The following DCDC2C variants were observed in gnomAD, a reference collection of about 807,000 sequenced individuals.
DCDC2C encodes the protein doublecortin domain-containing protein 2C.
A neutral mutation model predicts 45.0 loss-of-function variants in DCDC2C; 44 were observed. The ratio of observed to expected loss-of-function variants is 0.98; its 90% CI spans 0.77 to 1.26. The LOEUF is 1.26. Among genes scored for constraint, DCDC2C ranks in the 50% most tolerant of loss-of-function variants. The pLI is 0.00. For missense variants in DCDC2C, 447 were observed against 468.9 expected, an observed-to-expected ratio of 0.95 and a Z score of 0.43; for synonymous variants, 187 against 178.8, an observed-to-expected ratio of 1.05 and a Z score of -0.37.
At chr2:3,732,477 C>A (rs1442935814) in intron 3 of DCDC2C, among the ~76,000 whole-genome samples, 2 of 151,982 alleles carry the variant, frequency 1.3e-5, no homozygotes, top group African/African-American at 4.8e-5. Flanking sequence ...AGGTTGAACA[C>A]CTTGTAATTT....
intron 10 of DCDC2C, among the ~76,000 whole-genome samples, chr2:3,845,955 T>C (rs1672317320): frequency 1.3e-5 from 2 of 152,202 alleles, no homozygotes; most frequent in Non-Finnish European, 2.9e-5. Flanking sequence ...TTGTTAGAGC[T>C]GGAAGCAAAT....
intron 3 of DCDC2C, among the ~76,000 whole-genome samples, chr2:3,737,352 G>C (rs887948995): frequency 6.6e-6 from 1 of 152,212 alleles, no homozygotes; most frequent in African/African-American, 2.4e-5. Flanking sequence ...GATGAGGGGA[G>C]GGCGCAGGCG....
chr2:3,785,309 T>C (rs1424028792), intron 10 of DCDC2C, among the ~76,000 whole-genome samples: 1 of 152,156 alleles, frequency 6.6e-6, no homozygotes, highest in African/African-American at 2.4e-5. Context: ...CATGGGTGGA[T>C]GGATCCTCAG....
chr2:3,719,919 C>T (rs1305129433), intron 2 of DCDC2C, among the ~76,000 whole-genome samples: 6 of 152,146 alleles, frequency 3.9e-5, no homozygotes, highest in Admixed American at 1.3e-4. Context: ...GGGACCAGGT[C>T]GGATGCTGCA....
chr2:3,730,147 G>A (rs182724752), intron 3 of DCDC2C, among the ~76,000 whole-genome samples: 106 of 152,250 alleles, frequency 7.0e-4, no homozygotes, highest in Admixed American at 1.4e-3. Context: ...GTGACCATCG[G>A]GATGGATACA....
rs116713914 is a variant in DCDC2C, at chr2:3,783,033, C to T, written c.1024-2026C>T. ...TCCTATCCTTGGAAGTATCTCCGTG[C>T]GGTCTGTAGCCAGCTCTGGAGGGAT... On this transcript the variant is annotated intron_variant, in intron 9 of 10. Transcript: ENST00000399143. Among the ~76,000 whole-genome samples the T allele has an allele frequency of 7.7e-3, 1,176 of 152,284 alleles. 14 individuals carry two copies. Among genetic ancestry groups the T allele is most frequent in the African/African-American group, 0.027 (1,126 of 41,544 alleles).
intron 10 of DCDC2C, among the ~76,000 whole-genome samples, chr2:3,808,647 C>T (rs960427539): frequency 6.6e-6 from 1 of 152,194 alleles, no homozygotes; most frequent in African/African-American, 2.4e-5. Flanking sequence ...GCCTCGGCCT[C>T]CCAAAGGAAA....
In DCDC2C at chr2:3,777,926, G is replaced by A. The variant is rs143284281; in HGVS notation, c.955-890G>A. ...TGCCACCTGCCTTCCCTGATGACAG[G>A]TGAGTGGTTCCAGGAAGGTGCATGA... On this transcript the variant is annotated intron_variant, in intron 8 of 10. Coordinates refer to ENST00000399143, the MANE Select transcript of DCDC2C (RefSeq NM_001287444.2). Among the ~76,000 whole-genome samples, 502 of 152,354 alleles carry A rather than the reference G, an allele frequency of 3.3e-3. 1 individual carries two copies. Among genetic ancestry groups the A allele is most frequent in the African/African-American group, 0.011 (471 of 41,582 alleles).
intron 2 of DCDC2C, among the ~76,000 whole-genome samples, chr2:3,718,933 C>T (rs933198811): frequency 2.0e-5 from 3 of 152,178 alleles, no homozygotes; most frequent in African/African-American, 7.2e-5. Context: ...TTTTACAATC[C>T]TCTTGCTAGC....
At chr2:3,788,946 T>C (rs962429690) in intron 10 of DCDC2C, among the ~76,000 whole-genome samples, 1 of 149,212 alleles carries the variant, frequency 6.7e-6, no homozygotes, top group African/African-American at 2.5e-5. Flanking sequence ...GTTCAAAAGA[T>C]CTCATGCTTC....
intron 10 of DCDC2C, among the ~76,000 whole-genome samples, chr2:3,789,395 A>G (rs1475356759): frequency 2.0e-5 from 3 of 152,098 alleles, no homozygotes; most frequent in Non-Finnish European, 1.5e-5. Flanking sequence ...GCTCAACTTT[A>G]TACTGTATTT....
intron 8 of DCDC2C, among the ~76,000 whole-genome samples, chr2:3,771,796 G>T (rs76484817): frequency 0.1 from 15,413 of 152,296 alleles, 1,059 homozygotes; most frequent in East Asian, 0.3. Flanking sequence ...TCTGCGCCTG[G>T]CCCGTGCTGC....
intron 10 of DCDC2C, among the ~76,000 whole-genome samples, chr2:3,833,178 C>A (rs894741747): frequency 6.6e-6 from 1 of 152,196 alleles, no homozygotes; most frequent in African/African-American, 2.4e-5. Context: ...CTGTCTTCCT[C>A]GTCCACTTTT....
chr2:3,783,650 G>C (rs1196280178), intron 9 of DCDC2C, among the ~76,000 whole-genome samples: 5 of 152,242 alleles, frequency 3.3e-5, no homozygotes, highest in Non-Finnish European at 5.9e-5. Context: ...TCTTGAGCTT[G>C]ATAGAGACTC....
rs1446648125 is a variant in DCDC2C, at chr2:3,727,086, A to G, written c.416+7A>G. 1 of 1,545,792 alleles carries G rather than the reference A, an allele frequency of 6.5e-7. No homozygotes were observed. The highest frequency in any genetic ancestry group is 8.7e-7 in the Non-Finnish European group (1 of 1,143,000). On this transcript the variant is annotated splice_region_variant and intron_variant, in intron 3 of 10. Transcript: ENST00000399143. ...GTATATCTCGACATATAAAGTGAGT[A>G]TAATATTATGGGTGAAAAAATCAAA...
intron 6 of DCDC2C, among the ~76,000 whole-genome samples, chr2:3,765,697 C>A (rs1669993958): frequency 6.6e-6 from 1 of 152,192 alleles, no homozygotes; most frequent in Non-Finnish European, 1.5e-5. Flanking sequence ...TCTGGGAATT[C>A]ATTAATGGAG....
chr2:3,753,003 C>T (rs953606031), intron 5 of DCDC2C, 103 bp downstream of exon 5: 25 of 1,279,716 alleles, frequency 2.0e-5, no homozygotes, highest in Non-Finnish European at 2.6e-5. Context: ...GGTTATTTTT[C>T]AGTAGTGAAA....
chr2:3,763,406 G>C (rs1018155169), intron 6 of DCDC2C, among the ~76,000 whole-genome samples: 5 of 152,208 alleles, frequency 3.3e-5, no homozygotes, highest in African/African-American at 9.6e-5. Flanking sequence ...TGCCAGCCAG[G>C]CTCCTAGAAT....
At chr2:3,720,397 C>T (rs1668466654) in intron 2 of DCDC2C, among the ~76,000 whole-genome samples, 1 of 152,218 alleles carries the variant, frequency 6.6e-6, no homozygotes, top group Non-Finnish European at 1.5e-5. Flanking sequence ...TAAAGAGCCA[C>T]ATTTGGACAC....
Sources: allele counts gnomAD v4.1 joint callset (sites outside exome capture counted in the v4.1 genomes callset), GRCh38; gene constraint gnomAD v4.1.1; transcripts MANE v1.5; gene names NCBI Gene and HGNC (gene_info 2026-07-23, HGNC 2026-07-21).